The following ARHGAP15 variants were observed in gnomAD, a reference collection of about 807,000 sequenced individuals.
ARHGAP15 encodes rho GTPase-activating protein 15.
In ARHGAP15, 51 loss-of-function variants were observed where a neutral mutation model predicts 63.7. The observed-to-expected ratio is 0.80, with a 90% CI of 0.64 to 1.01. The LOEUF (loss-of-function observed/expected upper bound fraction) is 1.01. ARHGAP15 is among the 50% of genes least tolerant of loss of function. ARHGAP15 has a pLI of 0.00. For synonymous variants in ARHGAP15, 191 were observed against 193.8 expected (o/e 0.99, Z 0.12); for missense variants, 560 against 564.6 (o/e 0.99, Z 0.08).
chr2:143,289,489 G>A (rs904554654), intron 6 of ARHGAP15, among the ~76,000 whole-genome samples: 3 of 152,140 alleles, frequency 2.0e-5, no homozygotes, highest in South Asian at 2.1e-4. Context: ...TATACACTTT[G>A]TCTGTTCGAT....
intron 10 of ARHGAP15, among the ~76,000 whole-genome samples, chr2:143,546,926 A>T (rs563503055): frequency 6.6e-6 from 1 of 152,116 alleles, no homozygotes; most frequent in African/African-American, 2.4e-5. Context: ...GATTTTTTTA[A>T]AAAAAAGAAG....
intron 8 of ARHGAP15, among the ~76,000 whole-genome samples, chr2:143,462,844 C>T (rs1470661488): frequency 2.0e-5 from 3 of 152,102 alleles, no homozygotes; most frequent in Non-Finnish European, 4.4e-5. Context: ...TTTCCAGTTG[C>T]AGGAGCTTGC....
Position 143,413,966 on chromosome 2 carries a change from T to TGTGTGCGCGC in ARHGAP15, c.475-21634_475-21633insTGTGCGCGCG. On this transcript the variant is annotated intron_variant, in intron 6 of 13. Coordinates refer to ENST00000295095, the MANE Select transcript of ARHGAP15 (RefSeq NM_018460.4). ...GTGTGTGTGTGTGTGTGTGTGTGTG[T>TGTGTGCGCGC]GCGCGCTCTCTGGCAGAAAGTTAAT... Among the ~76,000 whole-genome samples, 116 of 117,918 alleles carry TGTGTGCGCGC rather than the reference T, an allele frequency of 9.8e-4. 1 individual carries two copies. The highest frequency in any genetic ancestry group is 3.7e-3 in the African/African-American group (105 of 28,240). 77.4% of individuals were successfully genotyped at this position (117,918 alleles called of 152,430 possible).
intron 6 of ARHGAP15, among the ~76,000 whole-genome samples, chr2:143,278,489 G>A (rs549749281): frequency 6.6e-6 from 1 of 152,178 alleles, no homozygotes; most frequent in Non-Finnish European, 1.5e-5. Context: ...TGGCTTTTGA[G>A]TAGGTAACTG....
intron 6 of ARHGAP15, among the ~76,000 whole-genome samples, chr2:143,376,600 C>A (rs1195622248): frequency 1.3e-5 from 2 of 151,722 alleles, no homozygotes; most frequent in Non-Finnish European, 2.9e-5. Flanking sequence ...TAACATGTAC[C>A]GTGGAAGCTA....
intron 10 of ARHGAP15, among the ~76,000 whole-genome samples, chr2:143,541,596 G>A (rs886928780): frequency 6.6e-6 from 1 of 151,846 alleles, no homozygotes; most frequent in Non-Finnish European, 1.5e-5. Flanking sequence ...CCTTCTAACA[G>A]TCAGGACCCT....
At chr2:143,538,856 C>T (rs1031009300) in intron 10 of ARHGAP15, among the ~76,000 whole-genome samples, 6 of 152,126 alleles carry the variant, frequency 3.9e-5, no homozygotes, top group African/African-American at 1.4e-4. Flanking sequence ...TTTGTTGTGT[C>T]TCTGCCAGGC....
At position 143,684,025 on chromosome 2, in the gene ARHGAP15, A is replaced by T. The variant is rs573366719; in HGVS notation, c.1139-19394A>T. The stretch of plus-strand genomic sequence containing the variant: ...TATTGAAGAAGAAAACTTAAAAAAA[A>T]ATTCCAGTGTCTTAGCCTCAATAAT... On this transcript the variant is annotated intron_variant, in intron 12 of 13. Transcript: ENST00000295095. Among the ~76,000 whole-genome samples the T allele has an allele frequency of 2.0e-5, 3 of 152,250 alleles. No individual in the cohort carries two copies. In the South Asian group the frequency reaches 6.2e-4, roughly 32 times the overall value.
At chr2:143,426,034 G>A (rs1689126108) in intron 6 of ARHGAP15, among the ~76,000 whole-genome samples, 1 of 152,124 alleles carries the variant, frequency 6.6e-6, no homozygotes, top group Non-Finnish European at 1.5e-5. Context: ...CACACACTCT[G>A]CAAGGGCCAT....
chr2:143,382,950 C>T lies in ARHGAP15; in HGVS notation c.475-52651C>T, dbSNP rs187838184. On this transcript the variant is annotated intron_variant, in intron 6 of 13. Transcript: ENST00000295095. ...AACTGTATAAAATTTGCTTGGTAAA[C>T]ATCCTGACTTGAGAAAAGAAAAACT... Among the ~76,000 whole-genome samples the T allele has an allele frequency of 1.6e-4, 25 of 152,292 alleles. No individual in the cohort carries two copies. In the East Asian group the frequency reaches 2.1e-3, roughly 13 times the overall value.
At chr2:143,670,020 C>T (rs1035137131) in intron 12 of ARHGAP15, among the ~76,000 whole-genome samples, 3 of 152,022 alleles carry the variant, frequency 2.0e-5, no homozygotes, top group Admixed American at 6.6e-5. Context: ...TCTTAAATGC[C>T]CATTAGTGCT....
intron 12 of ARHGAP15, among the ~76,000 whole-genome samples, chr2:143,645,216 A>G (rs1489746083): frequency 2.0e-5 from 3 of 152,118 alleles, no homozygotes; most frequent in African/African-American, 7.2e-5. Flanking sequence ...TAAAATCTTT[A>G]AAGTAAATGA....
At chr2:143,156,421 T>C (rs1483845007) in intron 2 of ARHGAP15, among the ~76,000 whole-genome samples, 2 of 151,894 alleles carry the variant, frequency 1.3e-5, no homozygotes, top group African/African-American at 4.8e-5. Flanking sequence ...CTATTTTGTT[T>C]CTCACAGTGA....
intron 11 of ARHGAP15, among the ~76,000 whole-genome samples, chr2:143,559,032 A>T (rs1574632924): frequency 6.6e-6 from 1 of 152,306 alleles, no homozygotes; most frequent in East Asian, 1.9e-4. Context: ...CTCTGTGGGT[A>T]AAATATGGAT....
At chr2:143,157,519 T>A (rs1690128620) in intron 2 of ARHGAP15, among the ~76,000 whole-genome samples, 1 of 151,910 alleles carries the variant, frequency 6.6e-6, no homozygotes, top group South Asian at 2.1e-4. Context: ...TGTTTCCGCA[T>A]TCTTAGCCTG....
intron 6 of ARHGAP15, among the ~76,000 whole-genome samples, chr2:143,376,450 G>T (rs776581363): frequency 6.6e-6 from 1 of 152,152 alleles, no homozygotes; most frequent in African/African-American, 2.4e-5. Flanking sequence ...CGTAAGGTTG[G>T]TGTAGAAAAC....
chr2:143,160,638 G>T (rs1395307469), intron 2 of ARHGAP15, among the ~76,000 whole-genome samples: 3 of 151,992 alleles, frequency 2.0e-5, no homozygotes, highest in Non-Finnish European at 4.4e-5. Context: ...AAATTCGAAG[G>T]TTTCCTAAGG....
At chr2:143,228,544 A>G in intron 4 of ARHGAP15, 37 bp from the exon 5 acceptor site, 1 of 1,419,420 alleles carries the variant, frequency 7.0e-7, no homozygotes, top group Non-Finnish European at 9.9e-7. Flanking sequence ...TCTTCAACTG[A>G]TAATGCTTTC....
chr2:143,415,692 C>A (rs184797893), intron 6 of ARHGAP15, among the ~76,000 whole-genome samples: 79 of 152,202 alleles, frequency 5.2e-4, no homozygotes, highest in African/African-American at 1.8e-3. Flanking sequence ...TATAGCAGCA[C>A]AATTTGTAAT....
Sources: gnomAD v4.1 joint callset for allele counts (sites outside exome capture counted in the v4.1 genomes callset) on GRCh38, gnomAD v4.1.1 for gene constraint, MANE v1.5 for transcripts, NCBI Gene and HGNC (gene_info 2026-07-23, HGNC 2026-07-21) for gene names.